The following MED12L variants were observed in gnomAD, a reference collection of about 807,000 sequenced individuals.
MED12L encodes mediator complex subunit 12L, also known as mediator of RNA polymerase II transcription subunit 12-like protein.
In MED12L, 60 loss-of-function variants were observed where a neutral mutation model predicts 281.3. The ratio of observed to expected loss-of-function variants is 0.21; its 90% CI spans 0.17 to 0.26. The LOEUF is 0.26. Ranked by LOEUF, MED12L falls within the 10% of genes least tolerant of loss-of-function variation. The pLI is 1.00. For synonymous variants in MED12L, 974 were observed against 987.2 expected (o/e 0.99, Z 0.25); for missense variants, 2,146 against 2,680.9 (o/e 0.80, Z 4.41).
chr3:151,231,508 T>C (rs1731664375), intron 16 of MED12L, among the ~76,000 whole-genome samples: 1 of 152,178 alleles, frequency 6.6e-6, no homozygotes, highest in Admixed American at 6.5e-5. Flanking sequence ...TGTAATAAAC[T>C]GTATCAAAAA....
chr3:151,407,434 C>T (rs1047019304), intron 39 of MED12L, among the ~76,000 whole-genome samples: 3 of 152,098 alleles, frequency 2.0e-5, no homozygotes, highest in Non-Finnish European at 4.4e-5. Context: ...TGGTAATATA[C>T]ATATATTTGT....
intron 16 of MED12L, among the ~76,000 whole-genome samples, chr3:151,270,343 G>A (rs1740702266): frequency 6.6e-6 from 1 of 151,672 alleles, no homozygotes; most frequent in African/African-American, 2.4e-5. Context: ...GAATACAATG[G>A]GAAAAGGATC....
chr3:151,419,592 T>G (rs1005220301), intron 43 of MED12L, among the ~76,000 whole-genome samples: 2 of 152,178 alleles, frequency 1.3e-5, no homozygotes, highest in African/African-American at 4.8e-5. Flanking sequence ...CTTTGCATCT[T>G]TCAATCTAAT....
chr3:151,183,241 A>G (rs921892169), intron 11 of MED12L, among the ~76,000 whole-genome samples: 1 of 152,326 alleles, frequency 6.6e-6, no homozygotes, highest in South Asian at 2.1e-4. Flanking sequence ...GTTCAAGACC[A>G]TGCCTCTCGT....
intron 39 of MED12L, among the ~76,000 whole-genome samples, chr3:151,400,608 G>T (rs539008255): frequency 6.6e-6 from 1 of 152,258 alleles, no homozygotes; most frequent in African/African-American, 2.4e-5. Context: ...AAGAATGAAG[G>T]ATGACTGAGT....
At chr3:151,206,478 T>A (rs1726373554) in intron 16 of MED12L, among the ~76,000 whole-genome samples, 1 of 151,988 alleles carries the variant, frequency 6.6e-6, no homozygotes, top group Admixed American at 6.6e-5. Context: ...GAGGTGTGAC[T>A]GCTATTTGGT....
chr3:151,411,764 G>A lies in MED12L; in HGVS notation c.6140+257G>A, dbSNP rs867964318. 4.6e-5 allele frequency among the ~76,000 whole-genome samples: 7 copies of A among 151,952 alleles called. No homozygotes were observed. The South Asian group carries it at 8.3e-4, about 18-fold the overall frequency. ...AAGACATGAGTGTAACAGTCTTTAC[G>A]TGATAGTGTGTTTGCTTCAGTGTTC... is the stretch of plus-strand genomic sequence containing the variant. On this transcript the variant is annotated intron_variant, in intron 41 of 44. Transcript: ENST00000687756.
chr3:151,206,111 C>A (rs1345411566), intron 16 of MED12L, among the ~76,000 whole-genome samples: 1 of 148,878 alleles, frequency 6.7e-6, no homozygotes, highest in African/African-American at 2.5e-5. Context: ...TATTCTTTCC[C>A]ACCTGCGTTA....
intron 43 of MED12L, among the ~76,000 whole-genome samples, chr3:151,421,909 A>T (rs1364578478): frequency 6.6e-6 from 1 of 152,126 alleles, no homozygotes; most frequent in Non-Finnish European, 1.5e-5. Flanking sequence ...GTAGCTGTTG[A>T]AGATAAGTGA....
In MED12L at chr3:151,338,398, C is replaced by G. The variant is rs1159031994; in HGVS notation, c.2251-11661C>G. The G allele has an allele frequency of 4.3e-6, 7 of 1,614,056 alleles. No individual in the cohort carries two copies. Among genetic ancestry groups the G allele is most frequent in the Non-Finnish European group, 5.1e-6 (6 of 1,180,008 alleles). On this transcript the variant is annotated intron_variant, in intron 16 of 44. Transcript: ENST00000687756. ...GGCAAAGAGAGTAAGAACATGAATG[C>G]CCAGATGACAACAGAGAGAATCTTA...
At chr3:151,385,469 G>C (rs1713169670) in intron 36 of MED12L, among the ~76,000 whole-genome samples, 3 of 151,844 alleles carry the variant, frequency 2.0e-5, no homozygotes, top group Admixed American at 1.3e-4. Context: ...TAAAAGCTTA[G>C]TGTAAAAAAA....
intron 15 of MED12L, among the ~76,000 whole-genome samples, chr3:151,193,157 G>C (rs1182988699): frequency 6.6e-6 from 1 of 152,080 alleles, no homozygotes; most frequent in Non-Finnish European, 1.5e-5. Context: ...TTATTATTAT[G>C]TATATGTTTC....
chr3:151,238,596 C>T (rs989892295), intron 16 of MED12L, among the ~76,000 whole-genome samples: 1 of 152,172 alleles, frequency 6.6e-6, no homozygotes, highest in Admixed American at 6.5e-5. Context: ...GGTGCAAAAG[C>T]CATGATGTGT....
In MED12L at chr3:151,260,960, C is replaced by T. The variant is rs1296885127; in HGVS notation, c.2250+67294C>T. ...GTTTCCATCTCCCCAGACTGATTTC[C>T]TTGATGGTGTGGATGTGTATGGTGT... On this transcript the variant is annotated intron_variant, in intron 16 of 44. Transcript: ENST00000687756. Among the ~76,000 whole-genome samples, 4 of 151,984 alleles carry T rather than the reference C, an allele frequency of 2.6e-5. No individual in the cohort carries two copies. In the East Asian group the frequency reaches 7.7e-4, roughly 29 times the overall value.
intron 16 of MED12L, among the ~76,000 whole-genome samples, chr3:151,279,708 G>A (rs1742500257): frequency 6.6e-6 from 1 of 152,232 alleles, no homozygotes; most frequent in African/African-American, 2.4e-5. Context: ...ACAAGTGGAT[G>A]TGAGGAGGAG....
chr3:151,295,252 A>G (rs753531123), intron 16 of MED12L: 2 of 1,396,296 alleles, frequency 1.4e-6, no homozygotes, highest in Non-Finnish European at 2.0e-6. Context: ...GTGCTTGGCA[A>G]GCATGCCCAC....
At chr3:151,241,664 C>G (rs1454850114) in intron 16 of MED12L, 1 of 152,020 alleles carries the variant, frequency 6.6e-6, no homozygotes, top group Non-Finnish European at 1.5e-5. Flanking sequence ...TATGTATATA[C>G]ACACATATAT....
At chr3:151,295,855 A>C (rs576601827) in intron 16 of MED12L, among the ~76,000 whole-genome samples, 1 of 152,378 alleles carries the variant, frequency 6.6e-6, no homozygotes, top group East Asian at 1.9e-4. Context: ...CAGACAAAAA[A>C]AGTCCTGGAT....
chr3:151,417,660 A>T (rs1164741554), intron 43 of MED12L, among the ~76,000 whole-genome samples: 1 of 151,588 alleles, frequency 6.6e-6, no homozygotes, highest in Non-Finnish European at 1.5e-5. Context: ...TAAATTTTGT[A>T]TTTCACCATG....
Sources: allele counts gnomAD v4.1 joint callset (sites outside exome capture counted in the v4.1 genomes callset), GRCh38; gene constraint gnomAD v4.1.1; transcripts MANE v1.5; gene names NCBI Gene and HGNC (gene_info 2026-07-23, HGNC 2026-07-21).